Variants in PCDHGB5 observed in about 807,000 individuals in gnomAD.
PCDHGB5 encodes protocadherin gamma-B5.
PCDHGB5 carries 48 observed loss-of-function variants against 62.9 expected under a neutral mutation model. That is an observed-to-expected ratio of 0.76 (90% CI 0.61 to 0.97). The LOEUF is 0.97. Among genes scored for constraint, PCDHGB5 ranks in the 50% least tolerant of loss-of-function variants. The pLI is 0.00. For missense variants in PCDHGB5, 1,118 were observed against 1,198.6 expected (o/e 0.93, Z 0.99); for synonymous variants, 474 against 511.2 (o/e 0.93, Z 0.98).
chr5:141,431,921 G>C lies in PCDHGB5; in HGVS notation c.2397+31397G>C, dbSNP rs775520324. ...CGGACAGGTGATCTGTTTCATCCAA[G>C]GAAATCTGCCCTTTAAATTAGAAAA... On this transcript the variant is annotated intron_variant, in intron 1 of 3. Transcript: ENST00000617380. This position sits in a 1 kb window ranked among gnomAD's most constrained non-coding sequence, Gnocchi z 4.8. 8.7e-6 allele frequency: 14 copies of C among 1,614,024 alleles called. No individual in the cohort carries two copies. Among genetic ancestry groups the C allele is most frequent in the Non-Finnish European group, 1.2e-5 (14 of 1,179,998 alleles).
At chr5:141,418,115 G>C in intron 1 of PCDHGB5, 1 of 1,614,098 alleles carries the variant, frequency 6.2e-7, no homozygotes, top group South Asian at 1.1e-5. Context: ...GGACTTACTT[G>C]TGAAGGACCG....
At chr5:141,450,730 G>A (rs1046738914) in intron 1 of PCDHGB5, among the ~76,000 whole-genome samples, 10 of 152,024 alleles carry the variant, frequency 6.6e-5, no homozygotes, top group Non-Finnish European at 1.2e-4. Flanking sequence ...CAGGTGATCC[G>A]CCCGCCTTGG....
chr5:141,401,712 A>G (rs987480271), intron 1 of PCDHGB5, among the ~76,000 whole-genome samples: 1 of 152,226 alleles, frequency 6.6e-6, no homozygotes, highest in Non-Finnish European at 1.5e-5. Flanking sequence ...TCCATTTTTA[A>G]GACAAAAACT....
At chr5:141,433,211 T>TC in intron 1 of PCDHGB5, 1 of 1,568,160 alleles carries the variant, frequency 6.4e-7, no homozygotes, top group Non-Finnish European at 8.6e-7. Context: ...CTTCTTTCTT[T>TC]TTTTTTTTTA....
At position 141,432,834 on chromosome 5, in the gene PCDHGB5, A is replaced by G; in HGVS notation, c.2397+32310A>G. 6.2e-7 allele frequency: 1 copy of G among 1,614,082 alleles called. No homozygotes were observed. The highest frequency in any genetic ancestry group is 8.5e-7 in the Non-Finnish European group (1 of 1,179,978). ...TCTGAAACCTCAGACCTCACTCTGTACCTGGTGGTAGCGGTGGCCGCGGTC... is the reference window on the plus strand; with the variant it reads ...TCTGAAACCTCAGACCTCACTCTGTGCCTGGTGGTAGCGGTGGCCGCGGTC... On this transcript the variant is annotated intron_variant, in intron 1 of 3. Transcript: ENST00000617380. This position sits in a 1 kb window ranked among gnomAD's most constrained non-coding sequence, Gnocchi z 6.0.
rs772345742 is a variant in PCDHGB5 at position 141,398,560 on chromosome 5, T to C, written c.433T>C (p.Ser145Pro). 17 of 1,613,792 alleles carry C rather than the reference T, an allele frequency of 1.1e-5. No individual in the cohort carries two copies. The Admixed American group carries it at 2.2e-4, about 21-fold the overall frequency. ...TTCCTTTGAGCTGCAAATAAGTGAG[T>C]CTGCACAGCCTGGCACAAGATTTAT... ...QNSFELQISE[S>P]AQPGTRFILE... Residue 145 changes from serine (S) to proline (P), a missense_variant, in exon 1 of 4, where the codon TCT becomes CCT. By Grantham distance (74) the Ser-to-Pro change is moderately conservative. Around this residue, in one of 2 missense-constraint regions of PCDHGB5, gnomAD observed 1,034 missense variants for 1,029.1 expected, o/e 1.00. Transcript: ENST00000617380.
chr5:141,415,325 C>A (rs1046074461), intron 1 of PCDHGB5: 2 of 1,614,094 alleles, frequency 1.2e-6, no homozygotes, highest in Non-Finnish European at 1.7e-6. Context: ...GTGCTGCTGG[C>A]GCACAGGCTG....
At chr5:141,418,307 A>C (rs372854408) in intron 1 of PCDHGB5, 24 of 1,613,982 alleles carry the variant, frequency 1.5e-5, no homozygotes, top group Non-Finnish European at 2.0e-5. Context: ...CAGCCTGGGG[A>C]TGGGAACAAT....
rs3074545 is a variant in PCDHGB5, at chr5:141,482,530, C to CAAAAAAA, written c.2398-12264_2398-12258dup. On this transcript the variant is annotated intron_variant, in intron 1 of 3. Coordinates refer to ENST00000617380, the MANE Select transcript of PCDHGB5 (RefSeq NM_018925.3). ...CAGAGTACAGTATGAGACAGACATG[C>CAAAAAAA]AAAAAAAAAAAAAAAAAAAGATAAT... Among the ~76,000 whole-genome samples the CAAAAAAA allele has an allele frequency of 6.5e-4, 50 of 76,534 alleles. 2 individuals are homozygous for CAAAAAAA. The highest frequency in any genetic ancestry group is 1.7e-3 in the African/African-American group (35 of 20,860). 50.2% of individuals were successfully genotyped at this position (76,534 alleles called of 152,430 possible).
chr5:141,410,847 G>GTATTTTTTT, intron 1 of PCDHGB5: 1 of 158,252 alleles, frequency 6.3e-6, no homozygotes, highest in African/African-American at 8.4e-5. Context: ...TTTTGTCTTT[G>GTATTTTTTT]TCTTTTTTTT....
At chr5:141,430,808 G>A in intron 1 of PCDHGB5, 1 of 1,526,682 alleles carries the variant, frequency 6.6e-7, no homozygotes, top group East Asian at 2.3e-5. Flanking sequence ...TGTCCTGCTG[G>A]GAATCCTCCT....
chr5:141,415,400 C>G (rs754292889), intron 1 of PCDHGB5: 3 of 1,614,110 alleles, frequency 1.9e-6, no homozygotes, highest in Non-Finnish European at 2.5e-6. Context: ...GTGTCCGGCT[C>G]GCACTTTGTG....
In PCDHGB5 at chr5:141,477,982, G is replaced by A; in HGVS notation, c.2398-16825G>A. ...CTAACCAGAGCCTTTTTGCCATAGG[G>A]CTGCACACTGGTCAAATCAGTACTG... is the stretch of plus-strand genomic sequence containing the variant. On this transcript the variant is annotated intron_variant, in intron 1 of 3. Transcript: ENST00000617380. The surrounding 1 kb of genome is among the most constrained non-coding windows in gnomAD (Gnocchi z 4.9). 6.2e-7 allele frequency: 1 copy of A among 1,614,066 alleles called. No individual in the cohort carries two copies. Among genetic ancestry groups the A allele is most frequent in the Non-Finnish European group, 8.5e-7 (1 of 1,180,014 alleles).
chr5:141,474,019 A>G (rs923131322), intron 1 of PCDHGB5, among the ~76,000 whole-genome samples: 4 of 152,134 alleles, frequency 2.6e-5, no homozygotes, highest in Non-Finnish European at 4.4e-5. Flanking sequence ...ACAGTGAGCT[A>G]TGATTATTCC....
chr5:141,408,184 G>A, intron 1 of PCDHGB5: 1 of 1,541,100 alleles, frequency 6.5e-7, no homozygotes, highest in Non-Finnish European at 8.8e-7. Flanking sequence ...CGGGGACCCA[G>A]CGAGAACCCG....
chr5:141,453,333 A>T (rs181261279), intron 1 of PCDHGB5, among the ~76,000 whole-genome samples: 3 of 151,914 alleles, frequency 2.0e-5, no homozygotes, highest in Admixed American at 1.3e-4. Context: ...GGGTCTCACT[A>T]TGTTTCCCCA....
chr5:141,425,528 C>T (rs2096881702), intron 1 of PCDHGB5, among the ~76,000 whole-genome samples: 1 of 152,200 alleles, frequency 6.6e-6, no homozygotes, highest in African/African-American at 2.4e-5. Context: ...AAACATGAAA[C>T]AATAATCCTT....
intron 2 of PCDHGB5, among the ~76,000 whole-genome samples, chr5:141,502,253 T>C (rs1331834149): frequency 6.6e-6 from 1 of 152,232 alleles, no homozygotes; most frequent in South Asian, 2.1e-4. Context: ...TTTTTTTTAA[T>C]CCAGGATTTT....
At chr5:141,410,281 G>A (rs368378842) in intron 1 of PCDHGB5, 33 of 1,613,938 alleles carry the variant, frequency 2.0e-5, no homozygotes, top group Non-Finnish European at 2.0e-5. Context: ...TTTACCTGGT[G>A]GTGGCCTTGG....
Sources: allele counts gnomAD v4.1 joint callset (sites outside exome capture counted in the v4.1 genomes callset), GRCh38; gene constraint gnomAD v4.1.1; regional missense constraint gnomAD v4.1.1; non-coding constraint Gnocchi (gnomAD v3.1); transcripts MANE v1.5; gene names NCBI Gene and HGNC (gene_info 2026-07-23, HGNC 2026-07-21).